SUN1: variants seen among roughly 807,000 people sequenced by gnomAD.
SUN1 encodes the protein SUN domain-containing protein 1.
In SUN1, 61 loss-of-function variants were observed where a neutral mutation model predicts 103.2. That is an observed-to-expected ratio of 0.59 (90% CI 0.48 to 0.73). The LOEUF is 0.73. SUN1 is among the 30% of genes least tolerant of loss of function. SUN1 has a pLI of 0.00. For missense variants in SUN1, 1,052 were observed against 1,034.6 expected, an observed-to-expected ratio of 1.02 and a Z score of -0.23; for synonymous variants, 490 against 425.7, an observed-to-expected ratio of 1.15 and a Z score of -1.86.
At position 869,333 on chromosome 7, in the gene SUN1, T is replaced by G. The variant is rs1038560913; in HGVS notation, c.1981-16T>G. 1.9e-6 allele frequency: 3 copies of G among 1,611,430 alleles called. No individual in the cohort carries two copies. Among genetic ancestry groups the G allele is most frequent in the Non-Finnish European group, 2.5e-6 (3 of 1,178,430 alleles). ...CATGCTCACACTCTGAGTCCTCATGTTTTTCCTTTCCCCAGCCTGACATTT... is the reference window on the plus strand; with the variant it reads ...CATGCTCACACTCTGAGTCCTCATGGTTTTCCTTTCCCCAGCCTGACATTT... On this transcript the variant is annotated splice_polypyrimidine_tract_variant and intron_variant, in intron 16 of 18. Transcript: ENST00000401592.
At chr7:830,093 CTGT>C (rs370343028), upstream of SUN1, among the ~76,000 whole-genome samples, 49 of 152,216 alleles carry the variant, frequency 3.2e-4, no homozygotes, top group East Asian at 1.2e-3. Flanking sequence ...GTGTCGTGGT[CTGT>C]TAAGGGGGAA....
intron 15 of SUN1, among the ~76,000 whole-genome samples, chr7:864,052 A>G (rs965979431): frequency 6.6e-6 from 1 of 152,096 alleles, no homozygotes; most frequent in Admixed American, 6.6e-5. Flanking sequence ...ATCCTTCATC[A>G]TTTTCAAACT....
intron 5 of SUN1, chr7:849,830 A>G (rs939552322): frequency 2.2e-6 from 3 of 1,354,654 alleles, no homozygotes; most frequent in Admixed American, 1.8e-5. Flanking sequence ...TGAGTTTCCC[A>G]GTTTCTACAG....
At chr7:830,980 G>A (rs918684185), upstream of SUN1, 5 of 985,482 alleles carry the variant, frequency 5.1e-6, no homozygotes, top group Non-Finnish European at 6.0e-6. Context: ...TAGGTGGAGG[G>A]TAGCCTACAT....
intron 17 of SUN1, among the ~76,000 whole-genome samples, chr7:870,689 ATCTG>A (rs1840895071): frequency 6.6e-6 from 1 of 151,854 alleles, no homozygotes; most frequent in Non-Finnish European, 1.5e-5. Flanking sequence ...CCCCGTGTTT[ATCTG>A]GCCGCTTCTC....
At chr7:868,160 C>G (rs1053891448) in intron 16 of SUN1, among the ~76,000 whole-genome samples, 1 of 152,240 alleles carries the variant, frequency 6.6e-6, no homozygotes, top group African/African-American at 2.4e-5. Flanking sequence ...GAATGAAATG[C>G]GTGTGTCGTC....
chr7:843,326 G>A lies in SUN1; in HGVS notation c.479-15G>A, dbSNP rs1191123208. 1 of 1,603,600 alleles carries A rather than the reference G, an allele frequency of 6.2e-7. No individual in the cohort carries two copies. The highest frequency in any genetic ancestry group is 8.5e-7 in the Non-Finnish European group (1 of 1,176,058). ...CTGTGATAAACAGGTTCCATCTACT[G>A]TTTGAAAACTTTAGGTGGAAATAAA... On this transcript the variant is annotated splice_polypyrimidine_tract_variant and intron_variant, in intron 4 of 18. Coordinates refer to ENST00000401592, the MANE Select transcript of SUN1 (RefSeq NM_001130965.3).
At chr7:838,241 G>A (rs1343077674) in intron 1 of SUN1, among the ~76,000 whole-genome samples, 2 of 152,184 alleles carry the variant, frequency 1.3e-5, no homozygotes, top group Admixed American at 1.3e-4. Flanking sequence ...AATTACATTA[G>A]TTGAATAATT....
intron 1 of SUN1, among the ~76,000 whole-genome samples, chr7:835,504 A>T (rs928978039): frequency 4.6e-5 from 7 of 152,266 alleles, no homozygotes; most frequent in African/African-American, 1.2e-4. Context: ...ATTTTTTTTT[A>T]AATTAGCCTA....
intron 18 of SUN1, among the ~76,000 whole-genome samples, chr7:872,848 C>T (rs547413013): frequency 4.6e-5 from 7 of 151,968 alleles, no homozygotes; most frequent in Non-Finnish European, 7.4e-5. Flanking sequence ...CAGCACTTTG[C>T]GGGGCCGAGG....
At position 843,726 on chromosome 7, in the gene SUN1, G is replaced by A; in HGVS notation, c.658+206G>A. On this transcript the variant is annotated intron_variant, in intron 5 of 18. Transcript: ENST00000401592. The stretch of plus-strand genomic sequence containing the variant: ...GTGGTTAGTAATTTTGTACCTAAAA[G>A]TATTTGAAATTCTATAAATTTGGAC... The A allele has an allele frequency of 2.1e-6, 3 of 1,427,156 alleles. 1 individual carries two copies. The highest frequency in any genetic ancestry group is 5.2e-5 in the East Asian group (2 of 38,506). The allele number at this position is 1,427,156 out of a possible 1,614,324, so 88.4% of individuals were successfully genotyped here. A position where few individuals can be genotyped will look rare whatever the true frequency, so the allele number is the denominator to read the frequency against.
At chr7:857,756 G>A (rs759867251) in intron 12 of SUN1, 72 bp from the exon 13 acceptor site, 2 of 1,446,352 alleles carry the variant, frequency 1.4e-6, no homozygotes, top group Non-Finnish European at 1.8e-6. Flanking sequence ...GTTCCCCTCA[G>A]CCTGTGTGTA....
chr7:843,790 T>A, intron 5 of SUN1: 1 of 1,421,082 alleles, frequency 7.0e-7, no homozygotes, highest in East Asian at 2.6e-5. Flanking sequence ...TAAGCGAAAC[T>A]AATAAAACTA....
At chr7:821,474 C>G (rs1028668324) in intron 1 of SUN1, among the ~76,000 whole-genome samples, 1 of 152,130 alleles carries the variant, frequency 6.6e-6, no homozygotes, top group Non-Finnish European at 1.5e-5. Context: ...GACCTGTTTT[C>G]AAAGAACGCT....
At chr7:822,865 G>C (rs1163767765) in intron 1 of SUN1, among the ~76,000 whole-genome samples, 2 of 152,204 alleles carry the variant, frequency 1.3e-5, no homozygotes, top group Non-Finnish European at 2.9e-5. Context: ...AGCACACACA[G>C]CCCTGTGGCC....
chr7:821,600 C>A (rs1786089595), intron 1 of SUN1, among the ~76,000 whole-genome samples: 1 of 152,150 alleles, frequency 6.6e-6, no homozygotes, highest in Non-Finnish European at 1.5e-5. Flanking sequence ...GAAAATAAAT[C>A]CAATTCAAAT....
At position 873,455 on chromosome 7, in the gene SUN1, C is replaced by T. The variant is rs754581801; in HGVS notation, c.*124C>T. The T allele has an allele frequency of 4.9e-5, 49 of 995,166 alleles. No individual in the cohort carries two copies. The highest frequency in any genetic ancestry group is 6.8e-5 in the Non-Finnish European group (45 of 665,506). The allele number at this position is 995,166 out of a possible 1,614,324, so 61.6% of individuals were successfully genotyped here. ...TGCCACACTCCTTCAATAAACGTGG[C>T]TGCTGGCCAGAGGACGTGAGCGTGT... On this transcript the variant is annotated 3_prime_UTR_variant, in exon 19 of 19. Coordinates refer to ENST00000401592, the MANE Select transcript of SUN1 (RefSeq NM_001130965.3).
intron 12 of SUN1, 50 bp from the exon 13 acceptor site, chr7:857,778 G>A (rs373560262): frequency 6.1e-5 from 91 of 1,501,794 alleles, no homozygotes; most frequent in Non-Finnish European, 7.9e-5. Flanking sequence ...TGTGGGAAGC[G>A]TATAGGCTGG....
intron 9 of SUN1, 44 bp from the exon 10 acceptor site, chr7:853,365 T>C (rs368644655): frequency 3.7e-6 from 6 of 1,606,488 alleles, no homozygotes; most frequent in Non-Finnish European, 5.1e-6. Context: ...TCTGTGCTCA[T>C]GCTTGTTTGA....
Sources: gnomAD v4.1 joint callset for allele counts (sites outside exome capture counted in the v4.1 genomes callset) on GRCh38, gnomAD v4.1.1 for gene constraint, MANE v1.5 for transcripts, NCBI Gene and HGNC (gene_info 2026-07-23, HGNC 2026-07-21) for gene names.